The following MIS18BP1 variants were observed in gnomAD, a reference collection of about 807,000 sequenced individuals.
The protein encoded by MIS18BP1 is MIS18 binding protein 1.
In MIS18BP1, 72 loss-of-function variants were observed where a neutral mutation model predicts 116.1. That is an observed-to-expected ratio of 0.62 (90% CI 0.51 to 0.75). MIS18BP1 has a LOEUF of 0.75. Ranked by LOEUF, MIS18BP1 falls within the 30% of genes least tolerant of loss-of-function variation. MIS18BP1 has a pLI of 0.00. For missense variants in MIS18BP1, 1,363 were observed against 1,303.2 expected (o/e 1.05, Z -0.71); for synonymous variants, 386 against 427.0 (o/e 0.90, Z 1.18).
chr14:45,204,139 A>G lies in MIS18BP1; in HGVS notation c.3369T>C (p.Asp1123=). The change falls in exon 17 of 17, where the codon GAT becomes GAC. Residue 1123 remains aspartate, a synonymous_variant. Coordinates refer to ENST00000310806, the MANE Select transcript of MIS18BP1 (RefSeq NM_018353.5). ...CAGAATCAGAGTTCGAAAAATAATA[A>G]TCTTTCTCTTCTTCATCTAAAGATT... The part of the protein sequence containing the change: ...AVESLDEEEK[D]YYFSNSDSA 6.2e-7 allele frequency: 1 copy of G among 1,610,756 alleles called. No individual in the cohort carries two copies. The highest frequency in any genetic ancestry group is 8.5e-7 in the Non-Finnish European group (1 of 1,178,784).
chr14:45,224,048 C>A lies in MIS18BP1; in HGVS notation c.2539G>T (p.Gly847Cys). ...PSVKETLQKS[G>C]VRKEFPITEA... The stretch of plus-strand genomic sequence containing the variant: ...GTAATTGGAAACTCTTTCCTAACAC[C>A]AGACTTCTGAAGAGTTTCTTTGACG... The change falls in exon 11 of 17, where the codon GGT becomes TGT. Residue 847 changes from glycine (G) to cysteine (C), a missense_variant. Transcript: ENST00000310806. 1 of 1,613,826 alleles carries A rather than the reference C, an allele frequency of 6.2e-7. No homozygotes were observed. The highest frequency in any genetic ancestry group is 8.5e-7 in the Non-Finnish European group (1 of 1,179,952).
At chr14:45,219,938 A>G (rs1278341546) in intron 11 of MIS18BP1, among the ~76,000 whole-genome samples, 1 of 152,220 alleles carries the variant, frequency 6.6e-6, no homozygotes, top group Non-Finnish European at 1.5e-5. Flanking sequence ...AGACAAACTT[A>G]AACATATCAC....
At chr14:45,232,437 A>C (rs955020850) in intron 7 of MIS18BP1, 6 of 238,312 alleles carry the variant, frequency 2.5e-5, no homozygotes, top group South Asian at 1.4e-4. Context: ...AAAAAAAAAA[A>C]ACAACAACAA....
At chr14:45,235,311 C>T (rs541868759) in intron 6 of MIS18BP1, among the ~76,000 whole-genome samples, 63 of 151,836 alleles carry the variant, frequency 4.1e-4, no homozygotes, top group Non-Finnish European at 4.9e-4. Flanking sequence ...CAGGAAACCA[C>T]GATGTTGTTC....
intron 2 of MIS18BP1, 77 bp from the exon 3 acceptor site, chr14:45,242,951 T>C (rs1354313237): frequency 1.1e-6 from 1 of 923,462 alleles, no homozygotes; most frequent in African/African-American, 1.7e-5. Context: ...TTAAAATTCT[T>C]GAAATAAAGA....
intron 13 of MIS18BP1, among the ~76,000 whole-genome samples, chr14:45,212,144 T>A (rs1010728908): frequency 7.2e-5 from 11 of 152,208 alleles, no homozygotes; most frequent in Admixed American, 2.0e-4. Flanking sequence ...AGTTTGGAAC[T>A]CTACCCAGCC....
chr14:45,204,061 C>T lies in MIS18BP1; in HGVS notation c.*48G>A. Reference sequence around the variant, plus strand: ...TGTACTCCAGTTGAAAATACAAACACTGTCTGCTTTATGGTAAAAATCCCA... The same window carrying T: ...TGTACTCCAGTTGAAAATACAAACATTGTCTGCTTTATGGTAAAAATCCCA... On this transcript the variant is annotated 3_prime_UTR_variant, in exon 17 of 17. Coordinates refer to ENST00000310806, the MANE Select transcript of MIS18BP1 (RefSeq NM_018353.5). 1 of 1,585,244 alleles carries T rather than the reference C, an allele frequency of 6.3e-7. No homozygotes were observed. Among genetic ancestry groups the T allele is most frequent in the East Asian group, 2.3e-5 (1 of 44,084 alleles).
intron 6 of MIS18BP1, among the ~76,000 whole-genome samples, chr14:45,234,392 C>G (rs1165101951): frequency 1.3e-5 from 2 of 151,490 alleles, no homozygotes; most frequent in Admixed American, 1.3e-4. Context: ...GAATAACATC[C>G]TTGAGTAAAA....
chr14:45,218,581 G>A (rs1594506200), intron 11 of MIS18BP1, 127 bp from the exon 12 acceptor site: 2 of 872,098 alleles, frequency 2.3e-6, no homozygotes, highest in Non-Finnish European at 1.7e-6. Context: ...AAATCATTCT[G>A]GATAACAATT....
In MIS18BP1 at chr14:45,235,855, A is replaced by C. The variant is rs1330186414; in HGVS notation, c.1307T>G (p.Ile436Arg). Reference protein sequence around the residue: ...KLRTISGNVYILKGMIDQISM... With the variant: ...KLRTISGNVYRLKGMIDQISM... The stretch of plus-strand genomic sequence containing the variant: ...AATTTGGTCTATCATGCCTTTTAAT[A>C]TATAAACGTTGCCTGATATAGTCCT... The change falls in exon 6 of 17, where the codon ATA becomes AGA. Residue 436 changes from isoleucine to arginine, a missense_variant. Coordinates refer to ENST00000310806, the MANE Select transcript of MIS18BP1 (RefSeq NM_018353.5). 1 of 1,610,334 alleles carries C rather than the reference A, an allele frequency of 6.2e-7. No individual in the cohort carries two copies. Among genetic ancestry groups the C allele is most frequent in the Admixed American group, 1.7e-5 (1 of 59,240 alleles).
Position 45,218,467 on chromosome 14 carries a change from A to C in MIS18BP1, c.2670-13T>G. ...AGATGCAAAAGCACTATGGAAGATC[A>C]AAACCAATTAAAGAATAAGAAATTC... On this transcript the variant is annotated splice_polypyrimidine_tract_variant and intron_variant, in intron 11 of 16. Transcript: ENST00000310806. The C allele has an allele frequency of 6.3e-7, 1 of 1,580,176 alleles. No individual in the cohort carries two copies. Among genetic ancestry groups the C allele is most frequent in the Non-Finnish European group, 8.5e-7 (1 of 1,170,000 alleles).
At chr14:45,238,568 A>G (rs1407636026) in intron 4 of MIS18BP1, among the ~76,000 whole-genome samples, 1 of 152,152 alleles carries the variant, frequency 6.6e-6, no homozygotes, top group African/African-American at 2.4e-5. Flanking sequence ...AGTTGCTTAA[A>G]CCTGTAATCC....
chr14:45,222,518 C>G (rs1891001903), intron 11 of MIS18BP1, among the ~76,000 whole-genome samples: 1 of 152,262 alleles, frequency 6.6e-6, no homozygotes, highest in South Asian at 2.1e-4. Context: ...GTATCCCAAG[C>G]TATACGTTCA....
At chr14:45,217,309 C>G in intron 12 of MIS18BP1, 130 bp from the exon 13 acceptor site, 1 of 1,078,338 alleles carries the variant, frequency 9.3e-7, no homozygotes, top group Non-Finnish European at 1.3e-6. Context: ...TCAGCCTTGG[C>G]CAGGCTCAGT....
rs566398564 is a variant in MIS18BP1, at chr14:45,240,067, CAT to C, written c.1143+1965_1143+1966del. ...TAGAAAAGTCATATAGACAACTGCA[CAT>C]GAGTGTGGAGTTGAGAAGAATTTTC... On this transcript the variant is annotated intron_variant, in intron 4 of 16. Transcript: ENST00000310806. Among the ~76,000 whole-genome samples, 10 of 152,192 alleles carry C rather than the reference CAT, an allele frequency of 6.6e-5. No individual in the cohort carries two copies. In the South Asian group the frequency reaches 1.7e-3, roughly 25 times the overall value.
At chr14:45,244,230 C>T (rs1291753048) in intron 2 of MIS18BP1, among the ~76,000 whole-genome samples, 1 of 152,224 alleles carries the variant, frequency 6.6e-6, no homozygotes, top group Non-Finnish European at 1.5e-5. Flanking sequence ...ACACTCTTTA[C>T]AATCCCCATT....
At chr14:45,251,378 T>C (rs1326705557) in intron 1 of MIS18BP1, among the ~76,000 whole-genome samples, 1 of 152,132 alleles carries the variant, frequency 6.6e-6, no homozygotes, top group Non-Finnish European at 1.5e-5. Flanking sequence ...TCAGAACGTA[T>C]CCCAGTCAGT....
At chr14:45,206,309 CAG>C (rs776462013) in intron 14 of MIS18BP1, 139 bp from the exon 15 acceptor site, 9 of 623,472 alleles carry the variant, frequency 1.4e-5, no homozygotes, top group African/African-American at 1.3e-4. Context: ...TTTTTTGAAA[CAG>C]GGTCTCACTC....
At chr14:45,237,835 G>C (rs1891469196) in intron 4 of MIS18BP1, 114 bp from the exon 5 acceptor site, 1 of 1,372,328 alleles carries the variant, frequency 7.3e-7, no homozygotes, top group South Asian at 1.6e-5. Flanking sequence ...ATATTCCTTA[G>C]TGTCATCGAT....
Sources: allele counts gnomAD v4.1 joint callset (sites outside exome capture counted in the v4.1 genomes callset), GRCh38; gene constraint gnomAD v4.1.1; transcripts MANE v1.5; gene names NCBI Gene and HGNC (gene_info 2026-07-23, HGNC 2026-07-21).